The following GRIN2B variants were observed in gnomAD, a reference collection of about 807,000 sequenced individuals.
The protein encoded by GRIN2B is glutamate receptor ionotropic, NMDA 2B.
In GRIN2B, 5 loss-of-function variants were observed where a neutral mutation model predicts 114.5. The ratio of observed to expected loss-of-function variants is 0.04; its 90% confidence interval spans 0.02 to 0.09. The LOEUF is 0.09. Among genes scored for constraint, GRIN2B ranks in the 10% least tolerant of loss-of-function variants. The pLI, the probability that GRIN2B is intolerant of heterozygous loss-of-function variation, is 1.00. For missense variants in GRIN2B, 1,108 were observed against 1,943.5 expected, an observed-to-expected ratio of 0.57 and a Z score of 8.08; for synonymous variants, 787 against 745.1, an observed-to-expected ratio of 1.06 and a Z score of -0.92.
intron 2 of GRIN2B, among the ~76,000 whole-genome samples, chr12:13,868,286 G>A (rs1865856688): frequency 6.6e-6 from 1 of 152,106 alleles, no homozygotes; most frequent in Non-Finnish European, 1.5e-5. Context: ...GACTCCATGA[G>A]CCCTGGAAAC....
chr12:13,898,842 C>T (rs1163448289), intron 2 of GRIN2B, among the ~76,000 whole-genome samples: 4 of 152,176 alleles, frequency 2.6e-5, no homozygotes, highest in African/African-American at 4.8e-5. Flanking sequence ...ACCCAGGAGG[C>T]GGAGGTTGCA....
chr12:13,688,355 T>G (rs1396456251), intron 4 of GRIN2B, among the ~76,000 whole-genome samples: 1 of 152,140 alleles, frequency 6.6e-6, no homozygotes, highest in Non-Finnish European at 1.5e-5. Flanking sequence ...GCCATCACCA[T>G]AAAGAGGCCT....
intron 5 of GRIN2B, among the ~76,000 whole-genome samples, chr12:13,666,738 G>A (rs752298923): frequency 6.6e-6 from 1 of 152,110 alleles, no homozygotes; most frequent in East Asian, 1.9e-4. Context: ...TGGAGATACA[G>A]CCTGTGCATG....
chr12:13,943,723 G>A (rs1257541160), intron 2 of GRIN2B, among the ~76,000 whole-genome samples: 2 of 152,168 alleles, frequency 1.3e-5, no homozygotes, highest in African/African-American at 4.8e-5. Context: ...TCTGCTCAAT[G>A]TCACCTTATC....
At chr12:13,642,296 T>C (rs7300283) in intron 5 of GRIN2B, among the ~76,000 whole-genome samples, 6,748 of 152,256 alleles carry the variant, frequency 0.044, 439 homozygotes, top group African/African-American at 0.14. Context: ...TGAAAGTCAG[T>C]ACCTATTTTC....
At chr12:13,901,214 G>A (rs1866446425) in intron 2 of GRIN2B, among the ~76,000 whole-genome samples, 1 of 152,012 alleles carries the variant, frequency 6.6e-6, no homozygotes, top group Non-Finnish European at 1.5e-5. Flanking sequence ...GTTTTCATTT[G>A]CATTCCTTTG....
chr12:13,648,178 G>A lies in GRIN2B; in HGVS notation c.1125+27567C>T, dbSNP rs184730420. On this transcript the variant is annotated intron_variant, in intron 5 of 13. Transcript: ENST00000609686. ...CACATACGGAGTAGTATAAACCCTAGCTCTATCTAGTCTATCATATTGCTG... is the reference window on the plus strand; with the variant it reads ...CACATACGGAGTAGTATAAACCCTAACTCTATCTAGTCTATCATATTGCTG... 3.9e-4 allele frequency among the ~76,000 whole-genome samples: 59 copies of A among 152,150 alleles called. No individual in the cohort carries two copies. The East Asian group carries it at 9.5e-3, about 25-fold the overall frequency.
At chr12:13,772,774 G>GT (rs200380456) in intron 3 of GRIN2B, among the ~76,000 whole-genome samples, 296 of 151,508 alleles carry the variant, frequency 2.0e-3, no homozygotes, top group African/African-American at 6.6e-3. Flanking sequence ...CTTGTAAGAG[G>GT]TTTTTTTTTC....
intron 2 of GRIN2B, among the ~76,000 whole-genome samples, chr12:13,943,334 A>G (rs1867296673): frequency 6.6e-6 from 1 of 152,190 alleles, no homozygotes; most frequent in Admixed American, 6.5e-5. Flanking sequence ...CTGAGTCATA[A>G]CTTCACATCT....
At chr12:13,758,683 A>T (rs1055565048) in intron 3 of GRIN2B, among the ~76,000 whole-genome samples, 6 of 152,218 alleles carry the variant, frequency 3.9e-5, no homozygotes, top group Admixed American at 2.6e-4. Context: ...ATTATCCTTA[A>T]GACCCAATTC....
At chr12:13,698,154 C>T (rs1950278054) in intron 4 of GRIN2B, among the ~76,000 whole-genome samples, 1 of 152,236 alleles carries the variant, frequency 6.6e-6, no homozygotes, top group Non-Finnish European at 1.5e-5. Flanking sequence ...GAGTGGATAA[C>T]ACACACTGCT....
chr12:13,718,660 G>C (rs1013037252), intron 4 of GRIN2B, among the ~76,000 whole-genome samples: 3 of 152,026 alleles, frequency 2.0e-5, no homozygotes, highest in Non-Finnish European at 4.4e-5. Flanking sequence ...CTTCTAAAGA[G>C]GATCTGGAAG....
At chr12:13,830,661 C>A (rs1186084017) in intron 3 of GRIN2B, among the ~76,000 whole-genome samples, 1 of 152,094 alleles carries the variant, frequency 6.6e-6, no homozygotes, top group Non-Finnish European at 1.5e-5. Context: ...TATATGTACA[C>A]CCTCCCCAGC....
At chr12:13,868,422 G>A (rs1304386233) in intron 2 of GRIN2B, among the ~76,000 whole-genome samples, 1 of 151,372 alleles carries the variant, frequency 6.6e-6, no homozygotes, top group Non-Finnish European at 1.5e-5. Context: ...GAAGACAGAA[G>A]GAGTTTGACA....
In GRIN2B at chr12:13,834,020, C is replaced by CTTT. The variant is rs71067731; in HGVS notation, c.411+31775_411+31777dup. Among the ~76,000 whole-genome samples, 61 of 72,584 alleles carry CTTT rather than the reference C, an allele frequency of 8.4e-4. 3 individuals carry two copies. Among genetic ancestry groups the CTTT allele is most frequent in the East Asian group, 3.2e-3 (6 of 1,890 alleles). The allele number at this position is 72,584 out of a possible 152,430, so 47.6% of individuals were successfully genotyped here. On this transcript the variant is annotated intron_variant, in intron 3 of 13. Transcript: ENST00000609686. ...AACACAGTAGTCTCTTTGCTAACTT[C>CTTT]TTTTTTTTTTTTTTTTTTTTTTTTT...
intron 3 of GRIN2B, among the ~76,000 whole-genome samples, chr12:13,809,227 C>T (rs1864680248): frequency 6.6e-6 from 1 of 152,140 alleles, no homozygotes; most frequent in Non-Finnish European, 1.5e-5. Context: ...CTCAGAAAAA[C>T]CAATTTCCTA....
rs1025115004 is a variant in GRIN2B, at chr12:13,550,600, C to T, written c.*12183G>A. On this transcript the variant is annotated 3_prime_UTR_variant, in exon 14 of 14. Transcript: ENST00000609686. ...CCCATCAACAGGACCTTATGGATTC[C>T]ATCAGGTCAAATAGGACAGTTAGCA... 2.0e-5 allele frequency: 3 copies of T among 152,124 alleles called. No homozygotes were observed. The highest frequency in any genetic ancestry group is 7.2e-5 in the African/African-American group (3 of 41,410). The allele number at this position is 152,124 out of a possible 1,614,324, so 9.4% of individuals were successfully genotyped here.
chr12:13,684,740 G>A (rs1377969379), intron 4 of GRIN2B, among the ~76,000 whole-genome samples: 1 of 152,128 alleles, frequency 6.6e-6, no homozygotes, highest in East Asian at 1.9e-4. Flanking sequence ...TAGGTGTTCA[G>A]TATGTTGGAA....
At chr12:13,856,916 A>G (rs928627573) in intron 3 of GRIN2B, among the ~76,000 whole-genome samples, 5 of 152,178 alleles carry the variant, frequency 3.3e-5, no homozygotes, top group African/African-American at 9.7e-5. Context: ...ATTTCCACCT[A>G]TATGACCCAC....
Sources: gnomAD v4.1 joint callset for allele counts (sites outside exome capture counted in the v4.1 genomes callset) on GRCh38, gnomAD v4.1.1 for gene constraint, MANE v1.5 for transcripts, NCBI Gene and HGNC (gene_info 2026-07-23, HGNC 2026-07-21) for gene names.